The following TRIM37 variants were observed in gnomAD, a reference collection of about 807,000 sequenced individuals.
The protein encoded by TRIM37 is E3 ubiquitin-protein ligase TRIM37.
TRIM37 carries 80 observed loss-of-function variants against 129.8 expected under a neutral mutation model. The ratio of observed to expected loss-of-function variants is 0.62; its 90% confidence interval spans 0.51 to 0.74. The LOEUF (loss-of-function observed/expected upper bound fraction) is 0.74. Ranked by LOEUF, TRIM37 falls within the 30% of genes least tolerant of loss-of-function variation. TRIM37 has a pLI of 0.00. For synonymous variants in TRIM37, 389 were observed against 387.1 expected (o/e 1.00, Z -0.06); for missense variants, 1,054 against 1,176.5 (o/e 0.90, Z 1.52).
At chr17:58,991,471 G>A (rs1451535878) in intron 24 of TRIM37, among the ~76,000 whole-genome samples, 1 of 152,066 alleles carries the variant, frequency 6.6e-6, no homozygotes, top group Admixed American at 6.6e-5. Context: ...GGGAGGTGGA[G>A]GTTCCAGTGA....
chr17:59,037,695 C>G (rs1172856231), intron 17 of TRIM37, among the ~76,000 whole-genome samples: 1 of 150,970 alleles, frequency 6.6e-6, no homozygotes, highest in African/African-American at 2.4e-5. Context: ...ATGTTAATAC[C>G]TTTCATTACT....
the TRIM37 span, among the ~76,000 whole-genome samples, chr17:58,968,091 C>T: frequency 9.2e-5 from 14 of 152,062 alleles, no homozygotes; most frequent in Non-Finnish European, 1.9e-4. Context: ...TGTGAGCCAC[C>T]GCACCCGGCC....
the TRIM37 span, among the ~76,000 whole-genome samples, chr17:58,967,789 A>G: frequency 1.3e-5 from 2 of 149,596 alleles, no homozygotes; most frequent in South Asian, 4.2e-4. Flanking sequence ...TCTACCTGTC[A>G]GCATTCTTTA....
chr17:58,985,688 A>C (rs2031739208), intron 24 of TRIM37, among the ~76,000 whole-genome samples: 1 of 152,202 alleles, frequency 6.6e-6, no homozygotes. Context: ...CCTGCATCTG[A>C]AGGGAGGGAA....
chr17:58,972,830 A>C, the TRIM37 span: 1 of 1,611,850 alleles, frequency 6.2e-7, no homozygotes, highest in Non-Finnish European at 8.5e-7. Context: ...ATTGCTGTTT[A>C]GGATGAAAAG....
chr17:59,101,677 A>AAAAAAAT (rs1568265833), intron 2 of TRIM37, among the ~76,000 whole-genome samples: 3 of 101,592 alleles, frequency 3.0e-5, no homozygotes, highest in South Asian at 3.2e-4. Context: ...AAAAAAAAAA[A>AAAAAAAT]ATATATATAT....
chr17:58,990,732 A>G (rs1206552892), intron 24 of TRIM37, among the ~76,000 whole-genome samples: 2 of 149,980 alleles, frequency 1.3e-5, no homozygotes, highest in Non-Finnish European at 3.0e-5. Flanking sequence ...CAGAGGTTGC[A>G]GTGAGTCGAG....
chr17:59,101,740 T>A (rs1482333562), intron 2 of TRIM37, among the ~76,000 whole-genome samples: 2 of 145,564 alleles, frequency 1.4e-5, no homozygotes, highest in Non-Finnish European at 3.0e-5. Context: ...ATATACATGT[T>A]TATATATATA....
downstream of TRIM37, among the ~76,000 whole-genome samples, chr17:58,994,077 G>A (rs556462266): frequency 2.6e-5 from 4 of 152,276 alleles, no homozygotes; most frequent in East Asian, 7.7e-4. Flanking sequence ...TATTAGGGTT[G>A]AACAAGTACA....
downstream of TRIM37, chr17:58,980,450 G>A (rs747992276): frequency 2.5e-5 from 40 of 1,614,112 alleles, no homozygotes; most frequent in East Asian, 2.5e-4. The surrounding 1 kb of genome is among the most constrained non-coding windows in gnomAD (Gnocchi z 4.7). Context: ...CCAAATCAAC[G>A]TGCTGGAAGA....
intron 8 of TRIM37, among the ~76,000 whole-genome samples, chr17:59,072,726 C>A (rs958015182): frequency 8.1e-5 from 12 of 147,356 alleles, no homozygotes; most frequent in Admixed American, 1.4e-4. Context: ...CCAGCGTGGG[C>A]GACAAGGCAA....
At chr17:59,088,764 CA>C (rs970517659) in intron 3 of TRIM37, among the ~76,000 whole-genome samples, 10 of 151,024 alleles carry the variant, frequency 6.6e-5, no homozygotes, top group Non-Finnish European at 1.2e-4. Flanking sequence ...GTGATCCTCC[CA>C]AAGTACTAGG....
intron 21 of TRIM37, among the ~76,000 whole-genome samples, chr17:59,014,609 T>C (rs2035678348): frequency 6.6e-6 from 1 of 151,834 alleles, no homozygotes; most frequent in East Asian, 1.9e-4. Flanking sequence ...AGAAAAGCAG[T>C]GTTAAAGTTG....
rs35076409 is a variant in TRIM37, at chr17:58,990,178, C to CAA, written c.2892-7259_2892-7258dup. Among the ~76,000 whole-genome samples, 66 of 25,620 alleles carry CAA rather than the reference C, an allele frequency of 2.6e-3. 4 individuals are homozygous for CAA. The highest frequency in any genetic ancestry group is 2.8e-3 in the Non-Finnish European group (44 of 15,730). The allele number at this position is 25,620 out of a possible 152,430, so 16.8% of individuals were successfully genotyped here. On this transcript the variant is annotated intron_variant, in intron 24 of 24. Transcript: ENST00000393066. ...TGGGTGACAAAGCAAGACCTTGTCT[C>CAA]AAAAAAAAAAAAAAAAAAAAAAAAA...
intron 2 of TRIM37, among the ~76,000 whole-genome samples, chr17:59,102,322 C>T (rs942317066): frequency 6.6e-6 from 1 of 152,122 alleles, no homozygotes; most frequent in Admixed American, 6.6e-5. Context: ...ATCAATGAGG[C>T]ATAAGGTAAC....
At chr17:59,037,536 C>A (rs984909932) in intron 17 of TRIM37, among the ~76,000 whole-genome samples, 8 of 111,036 alleles carry the variant, frequency 7.2e-5, no homozygotes, top group Admixed American at 1.3e-4. Context: ...CCAGCCCGGG[C>A]AACAGAGCAA....
In TRIM37 at chr17:59,001,092, G is replaced by C. The variant is rs191946047; in HGVS notation, c.2812+506C>G. Among the ~76,000 whole-genome samples the C allele has an allele frequency of 2.4e-3, 359 of 151,874 alleles. 4 individuals carry two copies. Among genetic ancestry groups the C allele is most frequent in the African/African-American group, 8.3e-3 (343 of 41,372 alleles). On this transcript the variant is annotated intron_variant, in intron 23 of 23. Transcript: ENST00000262294. ...TACCTGTAATCCCAGCTACTCAGGA[G>C]GCTGAGGCAGGAGAATCGCTTGAAC...
At chr17:59,102,067 T>G (rs2045567037) in intron 2 of TRIM37, among the ~76,000 whole-genome samples, 1 of 152,154 alleles carries the variant, frequency 6.6e-6, no homozygotes, top group African/African-American at 2.4e-5. Flanking sequence ...TAATCTGATC[T>G]TGAACAAAGT....
chr17:58,969,412 A>G, the TRIM37 span: 4 of 889,992 alleles, frequency 4.5e-6, no homozygotes, highest in Admixed American at 3.9e-5. Context: ...GAAAACATTT[A>G]GTCTCATTAT....
Sources: allele counts gnomAD v4.1 joint callset (sites outside exome capture counted in the v4.1 genomes callset), GRCh38; gene constraint gnomAD v4.1.1; non-coding constraint Gnocchi (gnomAD v3.1); transcripts MANE v1.5; gene names NCBI Gene and HGNC (gene_info 2026-07-23, HGNC 2026-07-21).